ZNF385B: variants seen among roughly 807,000 people sequenced by gnomAD.
ZNF385B encodes the protein zinc finger protein 533.
A neutral mutation model predicts 39.2 loss-of-function variants in ZNF385B; 23 were observed. That is an observed-to-expected ratio of 0.59 (90% CI 0.42 to 0.83). ZNF385B has a LOEUF of 0.83. ZNF385B is among the 40% of genes least tolerant of loss of function. The pLI, the probability that ZNF385B is intolerant of heterozygous loss-of-function variation, is 0.00. For missense variants in ZNF385B, 552 were observed against 598.9 expected (o/e 0.92, Z 0.82); for synonymous variants, 205 against 222.6 (o/e 0.92, Z 0.70).
At chr2:179,642,792 T>C (rs926617827) in intron 3 of ZNF385B, among the ~76,000 whole-genome samples, 3 of 152,206 alleles carry the variant, frequency 2.0e-5, no homozygotes, top group Non-Finnish European at 4.4e-5. Flanking sequence ...AAGAAATTTC[T>C]CTTAAGAATG....
intron 3 of ZNF385B, among the ~76,000 whole-genome samples, chr2:179,644,716 G>T (rs1414966470): frequency 6.6e-6 from 1 of 152,070 alleles, no homozygotes; most frequent in Non-Finnish European, 1.5e-5. Flanking sequence ...AAAACCTGAA[G>T]AAAGTCTCAG....
At chr2:179,692,044 T>C (rs1316796855) in intron 3 of ZNF385B, among the ~76,000 whole-genome samples, 1 of 152,142 alleles carries the variant, frequency 6.6e-6, no homozygotes, top group Admixed American at 6.5e-5. Flanking sequence ...TTTTGAAATA[T>C]GCAATAAATT....
At chr2:179,697,193 C>T (rs1168635466) in intron 3 of ZNF385B, among the ~76,000 whole-genome samples, 1 of 152,132 alleles carries the variant, frequency 6.6e-6, no homozygotes, top group African/African-American at 2.4e-5. Flanking sequence ...AATTCATACT[C>T]GGTCCACTAC....
rs372585616 is a variant in ZNF385B, at chr2:179,701,642, C to A, written c.298+67861G>T. ...GAGTTATTTTCATTTTTTATTTCAT[C>A]ATTTTTTAAATATTCTAAAGAAGTG... On this transcript the variant is annotated intron_variant, in intron 3 of 9. Coordinates refer to ENST00000410066, the MANE Select transcript of ZNF385B (RefSeq NM_152520.6). 1.8e-4 allele frequency among the ~76,000 whole-genome samples: 27 copies of A among 152,254 alleles called. No individual in the cohort carries two copies. In the East Asian group the frequency reaches 3.1e-3, roughly 17 times the overall value.
intron 3 of ZNF385B, among the ~76,000 whole-genome samples, chr2:179,754,460 G>T (rs1278819077): frequency 6.6e-6 from 1 of 152,184 alleles, no homozygotes; most frequent in East Asian, 1.9e-4. Context: ...ATGAGTTAGG[G>T]AGGATTCCCT....
chr2:179,727,455 A>T (rs574236648), intron 3 of ZNF385B, among the ~76,000 whole-genome samples: 2 of 152,180 alleles, frequency 1.3e-5, no homozygotes, highest in South Asian at 4.1e-4. Context: ...GGAAAATAAT[A>T]TCTGAAAAAT....
intron 6 of ZNF385B, among the ~76,000 whole-genome samples, chr2:179,466,623 A>G (rs961409857): frequency 2.6e-5 from 4 of 152,036 alleles, no homozygotes; most frequent in African/African-American, 9.7e-5. Flanking sequence ...GTGTAATAAT[A>G]CTCTTTAAGA....
chr2:179,644,124 TG>T (rs1242179118), intron 3 of ZNF385B, among the ~76,000 whole-genome samples: 1 of 152,120 alleles, frequency 6.6e-6, no homozygotes, highest in African/African-American at 2.4e-5. Flanking sequence ...TCTGAAATCC[TG>T]GAGTTTGCTT....
chr2:179,460,832 C>A (rs866866706), intron 6 of ZNF385B, among the ~76,000 whole-genome samples: 4 of 152,138 alleles, frequency 2.6e-5, no homozygotes, highest in South Asian at 2.1e-4. Flanking sequence ...ATGAAACTAT[C>A]CTTGAAAAAC....
intron 3 of ZNF385B, among the ~76,000 whole-genome samples, chr2:179,655,977 G>A (rs1478280765): frequency 6.6e-6 from 1 of 152,086 alleles, no homozygotes; most frequent in Non-Finnish European, 1.5e-5. Context: ...GATTATATTA[G>A]TCTAGATATG....
chr2:179,512,972 A>C (rs1328241118), intron 5 of ZNF385B, among the ~76,000 whole-genome samples: 1 of 152,200 alleles, frequency 6.6e-6, no homozygotes, highest in Non-Finnish European at 1.5e-5. Flanking sequence ...GGGTACAGGA[A>C]CTTAAACTAG....
chr2:179,501,401 T>G (rs2056750053), intron 5 of ZNF385B, among the ~76,000 whole-genome samples: 1 of 152,202 alleles, frequency 6.6e-6, no homozygotes, highest in Non-Finnish European at 1.5e-5. Context: ...TGGAGTACTA[T>G]TCAGCCATTA....
At position 179,769,604 on chromosome 2, in the gene ZNF385B, A is replaced by C; in HGVS notation, c.197T>G (p.Val66Gly). Residue 66 changes from valine (V) to glycine (G), a missense_variant, in exon 3 of 10, where the codon GTG becomes GGG. By Grantham distance (109) the Val-to-Gly change is moderately radical. Transcript: ENST00000410066. ...IQLNSAAQAQ[V>G]HSNGKSHRKR... ...GCGGTGGGATTTGCCGTTGGAATGC[A>C]CCTGAGCCTGGGCTGCAGAGTTCAG... The C allele has an allele frequency of 6.2e-7, 1 of 1,614,074 alleles. No individual in the cohort carries two copies.
At chr2:179,699,048 G>A (rs1166360357) in intron 3 of ZNF385B, among the ~76,000 whole-genome samples, 1 of 151,906 alleles carries the variant, frequency 6.6e-6, no homozygotes, top group Non-Finnish European at 1.5e-5. Flanking sequence ...CAAGGAAAAT[G>A]ATATTATCAA....
chr2:179,837,376 T>C (rs571969323), intron 1 of ZNF385B, among the ~76,000 whole-genome samples: 11 of 152,226 alleles, frequency 7.2e-5, no homozygotes, highest in Non-Finnish European at 1.6e-4. Flanking sequence ...TATCAACAAA[T>C]TGTGTTCTCA....
At chr2:179,503,206 T>C (rs1423992134) in intron 5 of ZNF385B, among the ~76,000 whole-genome samples, 1 of 152,178 alleles carries the variant, frequency 6.6e-6, no homozygotes, top group Non-Finnish European at 1.5e-5. Context: ...TTTGTTTGTG[T>C]TTTAATTAGT....
intron 1 of ZNF385B, among the ~76,000 whole-genome samples, chr2:179,804,121 T>C (rs1706203874): frequency 6.6e-6 from 1 of 152,214 alleles, no homozygotes; most frequent in Non-Finnish European, 1.5e-5. Flanking sequence ...TTTCAACTGC[T>C]TCTCTCTCTG....
At chr2:179,751,434 T>C (rs1192464075) in intron 3 of ZNF385B, among the ~76,000 whole-genome samples, 2 of 152,170 alleles carry the variant, frequency 1.3e-5, no homozygotes, top group African/African-American at 4.8e-5. Flanking sequence ...ATTTTTAAAG[T>C]TCTTCAAAAA....
intron 1 of ZNF385B, among the ~76,000 whole-genome samples, chr2:179,816,519 A>G (rs1707082359): frequency 6.6e-6 from 1 of 152,212 alleles, no homozygotes; most frequent in Non-Finnish European, 1.5e-5. Flanking sequence ...CAAAGTCTTT[A>G]TGAAGACCTT....
Sources: allele counts gnomAD v4.1 joint callset (sites outside exome capture counted in the v4.1 genomes callset), GRCh38; gene constraint gnomAD v4.1.1; transcripts MANE v1.5; gene names NCBI Gene and HGNC (gene_info 2026-07-23, HGNC 2026-07-21).